Variants in CSMD1 observed in about 807,000 individuals in gnomAD.
CSMD1 encodes the protein CUB and Sushi multiple domains 1.
In CSMD1, 213 loss-of-function variants were observed where a neutral mutation model predicts 417.5. That is an observed-to-expected ratio of 0.51 (90% CI 0.46 to 0.57). CSMD1 has a LOEUF of 0.57. Ranked by LOEUF, CSMD1 falls within the 20% of genes least tolerant of loss-of-function variation. CSMD1 has a pLI of 0.00. For missense variants in CSMD1, 6,923 were observed against 4,529.7 expected, an observed-to-expected ratio of 1.53 and a Z score of -15.17; for synonymous variants, 2,862 against 1,736.8, an observed-to-expected ratio of 1.65 and a Z score of -16.11.
At chr8:4,419,844 C>G (rs1263366277) in intron 3 of CSMD1, 109 bp downstream of exon 3, 1 of 743,526 alleles carries the variant, frequency 1.3e-6, no homozygotes, top group African/African-American at 1.7e-5. Flanking sequence ...GTCTACACCA[C>G]GGAACGACCT....
At chr8:4,012,684 A>C (rs1796327295) in intron 4 of CSMD1, among the ~76,000 whole-genome samples, 1 of 152,134 alleles carries the variant, frequency 6.6e-6, no homozygotes, top group Non-Finnish European at 1.5e-5. Context: ...TTATGTATCC[A>C]ACTCCCTATT....
intron 3 of CSMD1, among the ~76,000 whole-genome samples, chr8:4,145,267 T>C (rs1464055876): frequency 2.0e-5 from 3 of 151,110 alleles, no homozygotes; most frequent in African/African-American, 7.4e-5. Flanking sequence ...CTGGAACTTG[T>C]AGAGTTAGAC....
chr8:4,271,649 G>C (rs975190693), intron 3 of CSMD1, among the ~76,000 whole-genome samples: 2 of 151,736 alleles, frequency 1.3e-5, no homozygotes, highest in African/African-American at 4.8e-5. Context: ...GAAAAGAAAA[G>C]AAATGGTAAA....
chr8:4,305,816 A>G (rs556581611), intron 3 of CSMD1, among the ~76,000 whole-genome samples: 1 of 152,270 alleles, frequency 6.6e-6, no homozygotes, highest in South Asian at 2.1e-4. Context: ...GCAGGAAAAC[A>G]ACCTCTCATA....
intron 3 of CSMD1, among the ~76,000 whole-genome samples, chr8:4,208,450 C>G (rs1800109954): frequency 6.6e-6 from 1 of 152,064 alleles, no homozygotes; most frequent in African/African-American, 2.4e-5. Context: ...ATTTCTTTGG[C>G]TATAAAAAAT....
At chr8:4,120,282 C>G (rs367798522) in intron 3 of CSMD1, among the ~76,000 whole-genome samples, 2 of 149,752 alleles carry the variant, frequency 1.3e-5, no homozygotes, top group South Asian at 4.2e-4. Context: ...AGGGTTTTCA[C>G]CTTTTATTAT....
At chr8:4,341,446 T>C (rs1264541690) in intron 3 of CSMD1, among the ~76,000 whole-genome samples, 3 of 152,084 alleles carry the variant, frequency 2.0e-5, no homozygotes, top group Non-Finnish European at 4.4e-5. Flanking sequence ...GTTTACCTCA[T>C]TGTGGTTAAG....
intron 18 of CSMD1, among the ~76,000 whole-genome samples, chr8:3,382,388 TTATA>T (rs1418161224): frequency 6.9e-6 from 1 of 145,236 alleles, no homozygotes; most frequent in Non-Finnish European, 1.5e-5. Context: ...TAGTAATTAG[TTATA>T]TATATGTTAT....
chr8:2,983,512 T>G (rs1028399606), intron 54 of CSMD1, among the ~76,000 whole-genome samples: 3 of 152,176 alleles, frequency 2.0e-5, no homozygotes, highest in Non-Finnish European at 2.9e-5. Flanking sequence ...TTAACTTCAT[T>G]TATTTATTCA....
chr8:4,620,334 T>C (rs1306355472), intron 2 of CSMD1, among the ~76,000 whole-genome samples: 1 of 151,586 alleles, frequency 6.6e-6, no homozygotes, highest in African/African-American at 2.4e-5. Flanking sequence ...TATATATGTA[T>C]ACACATAAAA....
At chr8:4,074,760 A>C (rs920779497) in intron 3 of CSMD1, among the ~76,000 whole-genome samples, 8 of 152,132 alleles carry the variant, frequency 5.3e-5, no homozygotes, top group Admixed American at 1.3e-4. Context: ...CAAAAAAAAA[A>C]CATTGCTTGC....
chr8:3,504,863 A>G (rs1444515228), intron 10 of CSMD1, among the ~76,000 whole-genome samples: 1 of 152,216 alleles, frequency 6.6e-6, no homozygotes, highest in Non-Finnish European at 1.5e-5. Context: ...TGTGAAAATG[A>G]TAGTGGCAAA....
intron 6 of CSMD1, among the ~76,000 whole-genome samples, chr8:3,746,527 A>G (rs73496884): frequency 0.058 from 8,776 of 152,242 alleles, 910 homozygotes; most frequent in African/African-American, 0.2. Flanking sequence ...AATACATAAA[A>G]GTGCACTGAA....
intron 6 of CSMD1, among the ~76,000 whole-genome samples, chr8:3,716,079 G>C (rs1801814706): frequency 6.6e-6 from 1 of 152,168 alleles, no homozygotes; most frequent in South Asian, 2.1e-4. Flanking sequence ...GAAACAATCA[G>C]CCACTTCCTC....
intron 27 of CSMD1, among the ~76,000 whole-genome samples, chr8:3,226,975 C>G (rs997677417): frequency 1.3e-5 from 2 of 151,860 alleles, no homozygotes; most frequent in Non-Finnish European, 2.9e-5. Context: ...TTTAAAATGC[C>G]AATTAAAACA....
intron 5 of CSMD1, among the ~76,000 whole-genome samples, chr8:3,837,638 A>G (rs1802797248): frequency 6.6e-6 from 1 of 152,140 alleles, no homozygotes; most frequent in Non-Finnish European, 1.5e-5. Flanking sequence ...TTTTCTGCGG[A>G]TTGTAAGAAA....
chr8:4,466,654 G>C (rs959475646), intron 2 of CSMD1, among the ~76,000 whole-genome samples: 4 of 152,056 alleles, frequency 2.6e-5, no homozygotes, highest in Admixed American at 1.3e-4. Flanking sequence ...TAATTTTTCA[G>C]AACAAATATA....
intron 10 of CSMD1, among the ~76,000 whole-genome samples, chr8:3,570,786 A>AT (rs1273352669): frequency 1.3e-5 from 2 of 152,202 alleles, no homozygotes; most frequent in Non-Finnish European, 2.9e-5. Context: ...AAGCAAGCTA[A>AT]TAAAGCGTTC....
chr8:4,966,880 C>T (rs916310112), intron 1 of CSMD1, among the ~76,000 whole-genome samples: 1 of 152,168 alleles, frequency 6.6e-6, no homozygotes, highest in East Asian at 1.9e-4. Flanking sequence ...CCCTTATTCA[C>T]AAGCACGGTT....
Sources: allele counts gnomAD v4.1 joint callset (sites outside exome capture counted in the v4.1 genomes callset), GRCh38; gene constraint gnomAD v4.1.1; transcripts MANE v1.5; gene names NCBI Gene and HGNC (gene_info 2026-07-23, HGNC 2026-07-21).